LSM14A: variants seen among roughly 807,000 people sequenced by gnomAD.
The protein encoded by LSM14A is LSM14A mRNA processing body assembly factor.
Under a neutral mutation model 52.4 loss-of-function variants are expected in LSM14A, and 14 were observed. That is an observed-to-expected ratio of 0.27 (90% CI 0.18 to 0.42). The LOEUF is 0.42. LSM14A is among the 10% of genes least tolerant of loss of function. The pLI, the probability that LSM14A is intolerant of heterozygous loss-of-function variation, is 1.00. For synonymous variants in LSM14A, 185 were observed against 200.3 expected, an observed-to-expected ratio of 0.92 and a Z score of 0.64; for missense variants, 417 against 581.8, an observed-to-expected ratio of 0.72 and a Z score of 2.91.
At chr19:34,212,966 T>C (rs2072278968) in intron 4 of LSM14A, among the ~76,000 whole-genome samples, 1 of 152,076 alleles carries the variant, frequency 6.6e-6, no homozygotes, top group Non-Finnish European at 1.5e-5. Flanking sequence ...ACTGTAGCAG[T>C]AGGCTTTTTC....
chr19:34,172,957 C>T (rs1169432867), intron 1 of LSM14A, among the ~76,000 whole-genome samples, 194 bp downstream of exon 1: 1 of 152,196 alleles, frequency 6.6e-6, no homozygotes, highest in Non-Finnish European at 1.5e-5. Flanking sequence ...TTCCGCCCCC[C>T]GGAATGTCCG....
At chr19:34,192,043 C>T (rs1182252253) in intron 1 of LSM14A, among the ~76,000 whole-genome samples, 8 of 152,034 alleles carry the variant, frequency 5.3e-5, no homozygotes, top group African/African-American at 1.5e-4. Flanking sequence ...AGGATACTTA[C>T]GTATGGATTC....
intron 8 of LSM14A, 84 bp from the exon 9 acceptor site, chr19:34,221,423 T>G: frequency 7.1e-7 from 1 of 1,405,990 alleles, no homozygotes; most frequent in Non-Finnish European, 9.7e-7. Flanking sequence ...TACTTAGGCT[T>G]AATTTGGGAG....
intron 3 of LSM14A, among the ~76,000 whole-genome samples, chr19:34,207,885 CAAG>C (rs1473473133): frequency 6.6e-6 from 1 of 151,904 alleles, no homozygotes; most frequent in South Asian, 2.1e-4. Flanking sequence ...ATTAGGAGTC[CAAG>C]AAAGGAAGGG....
intron 9 of LSM14A, among the ~76,000 whole-genome samples, chr19:34,224,193 G>C (rs1022096779): frequency 6.6e-6 from 1 of 152,080 alleles, no homozygotes; most frequent in Non-Finnish European, 1.5e-5. Context: ...TTAGCCGGGC[G>C]TGGTGGCACA....
At chr19:34,216,995 C>G (rs2072650356) in intron 6 of LSM14A, among the ~76,000 whole-genome samples, 1 of 152,190 alleles carries the variant, frequency 6.6e-6, no homozygotes, top group South Asian at 2.1e-4. Flanking sequence ...GGCACGGTGG[C>G]TCACACCTGT....
At chr19:34,180,285 A>G (rs1475604260) in intron 1 of LSM14A, among the ~76,000 whole-genome samples, 3 of 152,116 alleles carry the variant, frequency 2.0e-5, no homozygotes, top group Non-Finnish European at 2.9e-5. Context: ...CAAGGGCCTT[A>G]TTCTAGTTTT....
At chr19:34,211,652 G>C (rs962527089) in intron 4 of LSM14A, among the ~76,000 whole-genome samples, 8 of 151,926 alleles carry the variant, frequency 5.3e-5, no homozygotes, top group Admixed American at 4.6e-4. Context: ...AGCAGAGTAT[G>C]ATGGTGGACA....
chr19:34,215,587 C>A lies in LSM14A; in HGVS notation c.716-9C>A. ...GTTGATTTGGCACTTTGCATGTCTT[C>A]TTCTGTAGCTGAAGTACACAAAGTT... is the stretch of plus-strand genomic sequence containing the variant. On this transcript the variant is annotated splice_polypyrimidine_tract_variant and intron_variant, in intron 5 of 9. Transcript: ENST00000544216. 6.2e-7 allele frequency: 1 copy of A among 1,608,886 alleles called. No individual in the cohort carries two copies. The highest frequency in any genetic ancestry group is 8.5e-7 in the Non-Finnish European group (1 of 1,175,584).
intron 3 of LSM14A, among the ~76,000 whole-genome samples, chr19:34,203,733 A>G (rs1345240256): frequency 6.6e-6 from 1 of 151,352 alleles, no homozygotes; most frequent in East Asian, 1.9e-4. Context: ...AACCCAGGAG[A>G]TGAAGGTTGC....
chr19:34,174,272 C>T (rs1014663729), intron 1 of LSM14A, among the ~76,000 whole-genome samples: 1 of 152,178 alleles, frequency 6.6e-6, no homozygotes, highest in African/African-American at 2.4e-5. Flanking sequence ...TTTAATAGCC[C>T]TGGTGTTGGG....
intron 9 of LSM14A, chr19:34,221,972 CAA>C (rs2073093754): frequency 8.4e-6 from 4 of 476,198 alleles, no homozygotes; most frequent in Non-Finnish European, 1.1e-5. Flanking sequence ...TTTTAACACC[CAA>C]AGAGTCTATC....
At chr19:34,185,679 T>C (rs1032324804) in intron 1 of LSM14A, among the ~76,000 whole-genome samples, 4 of 152,228 alleles carry the variant, frequency 2.6e-5, no homozygotes, top group Non-Finnish European at 5.9e-5. Context: ...AAACCTTCCT[T>C]GTTGTATTAA....
At chr19:34,195,667 A>G (rs2070780022) in intron 2 of LSM14A, among the ~76,000 whole-genome samples, 1 of 152,218 alleles carries the variant, frequency 6.6e-6, no homozygotes, top group Admixed American at 6.5e-5. Context: ...GGAAGCCTGA[A>G]GTGGAAATGT....
rs777010303 is a variant in LSM14A, at chr19:34,196,736, G to T, written c.388G>T (p.Gly130Trp). The change falls in exon 3 of 10, where the codon GGG becomes TGG. Residue 130 changes from glycine to tryptophan, a missense_variant. Gly to Trp is a radical substitution (Grantham distance 184). Transcript: ENST00000544216. ...TCAGTTCAGTCCGAGTTCCTTAGTT[G>T]GGCAGCAGTTTGGTGCTGTTGGTGT... ...YSQFSPSSLV[G>W]QQFGAVGVAG... 1 of 1,611,588 alleles carries T rather than the reference G, an allele frequency of 6.2e-7. No individual in the cohort carries two copies. Among genetic ancestry groups the T allele is most frequent in the Non-Finnish European group, 8.5e-7 (1 of 1,179,206 alleles).
chr19:34,227,263 G>T, intron 9 of LSM14A, 102 bp from the exon 10 acceptor site: 1 of 752,778 alleles, frequency 1.3e-6, no homozygotes, highest in Non-Finnish European at 2.3e-6. Flanking sequence ...TAAAAGTGGG[G>T]GAGTATATTT....
intron 1 of LSM14A, among the ~76,000 whole-genome samples, chr19:34,189,348 A>T (rs2070177221): frequency 6.6e-6 from 1 of 152,188 alleles, no homozygotes; most frequent in Non-Finnish European, 1.5e-5. Flanking sequence ...CTTCAAATCC[A>T]ATTCAGTGAT....
At chr19:34,177,182 A>G (rs1034633621) in intron 1 of LSM14A, among the ~76,000 whole-genome samples, 2 of 152,052 alleles carry the variant, frequency 1.3e-5, no homozygotes, top group Admixed American at 1.3e-4. Flanking sequence ...CATTTTTTCC[A>G]TTTAGTAGTT....
chr19:34,208,897 A>AT (rs769177641), intron 3 of LSM14A, 32 bp from the exon 4 acceptor site: 6 of 1,487,258 alleles, frequency 4.0e-6, no homozygotes, highest in African/African-American at 1.4e-5. Flanking sequence ...ATTTTTTAAA[A>AT]TTTTTTTATC....
Sources: allele counts gnomAD v4.1 joint callset (sites outside exome capture counted in the v4.1 genomes callset), GRCh38; gene constraint gnomAD v4.1.1; transcripts MANE v1.5; gene names NCBI Gene and HGNC (gene_info 2026-07-23, HGNC 2026-07-21).